The following DPF3 variants were observed in gnomAD, a reference collection of about 807,000 sequenced individuals.
The protein encoded by DPF3 is double PHD fingers 3.
DPF3 carries 18 observed loss-of-function variants against 56.8 expected under a neutral mutation model. The ratio of observed to expected loss-of-function variants is 0.32; its 90% CI spans 0.22 to 0.47. The LOEUF is 0.47. DPF3 is among the 20% of genes least tolerant of loss of function. DPF3 has a pLI of 1.00. For missense variants in DPF3, 403 were observed against 488.8 expected (o/e 0.82, Z 1.65); for synonymous variants, 188 against 180.2 (o/e 1.04, Z -0.35).
rs574149182 is a variant in DPF3, at chr14:72,716,922, C to G, written c.526-2421G>C. Among the ~76,000 whole-genome samples, 6 of 152,234 alleles carry G rather than the reference C, an allele frequency of 3.9e-5. No homozygotes were observed. The South Asian group carries it at 1.2e-3, about 32-fold the overall frequency. Reference sequence around the variant, plus strand: ...CTAAGGGGGATCTACCTCCACATTGCCCCCCTAGTCCACCCTAACGGGGGA... The same window carrying G: ...CTAAGGGGGATCTACCTCCACATTGGCCCCCTAGTCCACCCTAACGGGGGA... On this transcript the variant is annotated intron_variant, in intron 5 of 10. Transcript: ENST00000556509.
At chr14:72,668,413 T>C (rs910472950) in intron 8 of DPF3, among the ~76,000 whole-genome samples, 2 of 152,224 alleles carry the variant, frequency 1.3e-5, no homozygotes, top group East Asian at 3.8e-4. Context: ...TGAGACAAGA[T>C]GGTCTGGCCA....
At chr14:72,783,740 A>G (rs1892088191) in intron 1 of DPF3, among the ~76,000 whole-genome samples, 1 of 152,236 alleles carries the variant, frequency 6.6e-6, no homozygotes, top group Non-Finnish European at 1.5e-5. Context: ...GGCACCGGAA[A>G]CTAGCAGTGC....
chr14:72,682,217 GAAA>G (rs60779626), intron 7 of DPF3, among the ~76,000 whole-genome samples: 1 of 55,408 alleles, frequency 1.8e-5, no homozygotes. Flanking sequence ...TCTGTCTCAA[GAAA>G]AAAAAAAAAA....
At chr14:72,779,775 G>C (rs755917904) in intron 1 of DPF3, among the ~76,000 whole-genome samples, 1 of 152,244 alleles carries the variant, frequency 6.6e-6, no homozygotes, top group Non-Finnish European at 1.5e-5. Context: ...GCCACTTTGT[G>C]GCATGACCCT....
chr14:72,651,287 C>T (rs1490756815), intron 8 of DPF3, among the ~76,000 whole-genome samples: 2 of 152,220 alleles, frequency 1.3e-5, no homozygotes, highest in African/African-American at 4.8e-5. Context: ...AACAAGAGCC[C>T]CTGGGGCCTC....
chr14:72,832,103 G>T (rs1294689588), intron 1 of DPF3, among the ~76,000 whole-genome samples: 1 of 152,140 alleles, frequency 6.6e-6, no homozygotes, highest in African/African-American at 2.4e-5. Flanking sequence ...TGTAGTCCCA[G>T]CTACTCAGTA....
rs549418339 is a variant in DPF3 at position 72,609,609 on chromosome 14, C to T, written c.*9688G>A. 1.3e-5 allele frequency among the ~76,000 whole-genome samples: 2 copies of T among 152,258 alleles called. No individual in the cohort carries two copies. The highest frequency in any genetic ancestry group is 4.1e-4 in the South Asian group (2 of 4,828). Reference sequence around the variant, plus strand: ...GAACCACGAAAGAGTGGGAACCTGACACACGTGGGAAGGGCACATCCCCAG... The same window carrying T: ...GAACCACGAAAGAGTGGGAACCTGATACACGTGGGAAGGGCACATCCCCAG... On this transcript the variant is annotated 3_prime_UTR_variant, in exon 11 of 11. Coordinates refer to ENST00000556509, the MANE Select transcript of DPF3 (RefSeq NM_001280542.3).
chr14:72,685,654 G>C (rs570260419), intron 7 of DPF3, among the ~76,000 whole-genome samples: 4 of 152,304 alleles, frequency 2.6e-5, no homozygotes, highest in Admixed American at 2.6e-4. Flanking sequence ...GTCCTCTGGG[G>C]GATACAGCAC....
intron 9 of DPF3, among the ~76,000 whole-genome samples, chr14:72,620,911 C>T (rs892057439): frequency 2.0e-5 from 3 of 152,230 alleles, no homozygotes; most frequent in Non-Finnish European, 2.9e-5. Context: ...GAGGCCAAGG[C>T]GCGTGGTTCA....
chr14:72,651,167 A>G (rs377470563), intron 8 of DPF3, among the ~76,000 whole-genome samples: 9 of 152,312 alleles, frequency 5.9e-5, no homozygotes, highest in African/African-American at 1.7e-4. Context: ...TTTCTGCAGC[A>G]TGGCCCTGGC....
intron 1 of DPF3, among the ~76,000 whole-genome samples, chr14:72,859,898 C>T (rs1885327008): frequency 6.6e-6 from 1 of 150,934 alleles, no homozygotes; most frequent in African/African-American, 2.4e-5. Flanking sequence ...ACCTGAAAGA[C>T]ATGATCTAGT....
At chr14:72,892,992 G>A (rs969798732) in intron 1 of DPF3, among the ~76,000 whole-genome samples, 1 of 148,738 alleles carries the variant, frequency 6.7e-6, no homozygotes, top group African/African-American at 2.5e-5. Context: ...AGGAAGGAAG[G>A]AAGGAAGGAA....
At chr14:72,874,408 G>A (rs1247704837) in intron 1 of DPF3, among the ~76,000 whole-genome samples, 3 of 151,934 alleles carry the variant, frequency 2.0e-5, no homozygotes, top group Non-Finnish European at 4.4e-5. Flanking sequence ...GAACCCAGGA[G>A]GCAGAGGTTG....
chr14:72,775,871 G>A (rs565016949), intron 1 of DPF3, among the ~76,000 whole-genome samples: 12 of 152,070 alleles, frequency 7.9e-5, no homozygotes, highest in South Asian at 6.2e-4. Context: ...AGCCAAAATC[G>A]TCACAGGGCT....
At chr14:72,813,270 G>A (rs922858381) in intron 1 of DPF3, among the ~76,000 whole-genome samples, 6 of 152,118 alleles carry the variant, frequency 3.9e-5, no homozygotes, top group African/African-American at 1.2e-4. Flanking sequence ...AGGGAGTACC[G>A]TGGGTGGCAA....
intron 2 of DPF3, among the ~76,000 whole-genome samples, chr14:72,755,700 C>A (rs940296691): frequency 1.3e-5 from 2 of 152,180 alleles, no homozygotes; most frequent in African/African-American, 4.8e-5. Flanking sequence ...ACCCCCTGCC[C>A]CATCCACCAT....
intron 2 of DPF3, among the ~76,000 whole-genome samples, chr14:72,761,065 C>T (rs1891050403): frequency 6.6e-6 from 1 of 151,872 alleles, no homozygotes; most frequent in African/African-American, 2.4e-5. Flanking sequence ...AATAACAAAG[C>T]TTCAATATAC....
rs1034315749 is a variant in DPF3, at chr14:72,611,519, C to T, written c.*7778G>A. 1.3e-5 allele frequency among the ~76,000 whole-genome samples: 2 copies of T among 152,176 alleles called. No individual in the cohort carries two copies. The highest frequency in any genetic ancestry group is 3.9e-4 in the East Asian group (2 of 5,174). On this transcript the variant is annotated 3_prime_UTR_variant, in exon 11 of 11. Transcript: ENST00000556509. ...AATCTGTACTTGAAGCCCCCACCCC[C>T]CCAGTCCCGCTCTCTGCTTTCTCTA...
chr14:72,752,846 G>C (rs1224629607), intron 3 of DPF3, among the ~76,000 whole-genome samples: 1 of 152,160 alleles, frequency 6.6e-6, no homozygotes, highest in Non-Finnish European at 1.5e-5. Flanking sequence ...CTCATACAGG[G>C]TAAGGGGTAG....
Sources: allele counts gnomAD v4.1 joint callset (sites outside exome capture counted in the v4.1 genomes callset), GRCh38; gene constraint gnomAD v4.1.1; transcripts MANE v1.5; gene names NCBI Gene and HGNC (gene_info 2026-07-23, HGNC 2026-07-21).